SEMA3G: variants seen among roughly 807,000 people sequenced by gnomAD.
SEMA3G encodes the protein semaphorin-3G.
A neutral mutation model predicts 86.2 loss-of-function variants in SEMA3G; 70 were observed. That is an observed-to-expected ratio of 0.81 (90% CI 0.67 to 0.99). SEMA3G has a LOEUF of 0.99. Ranked by LOEUF, SEMA3G falls within the 50% of genes least tolerant of loss-of-function variation. The pLI, the probability that SEMA3G is intolerant of heterozygous loss-of-function variation, is 0.00. For synonymous variants in SEMA3G, 416 were observed against 441.4 expected, an observed-to-expected ratio of 0.94 and a Z score of 0.72; for missense variants, 1,002 against 1,072.4, an observed-to-expected ratio of 0.93 and a Z score of 0.92.
At position 52,440,074 on chromosome 3, in the gene SEMA3G, G is replaced by A. The variant is rs1706118606; in HGVS notation, c.1168C>T (p.Pro390Ser). Residue 390 changes from proline to serine, a missense_variant, in exon 11 of 16, where the codon CCA (proline) becomes TCA (serine). Transcript: ENST00000231721. ...GVCPSKMTAQ[P>S]GRPFGSTKDY... Reference sequence around the variant, plus strand: ...TTGGTGCTGCCAAAAGGCCGTCCTGGCTGTGCGGTCATCTTGCTGGGGCAC... The same window carrying A: ...TTGGTGCTGCCAAAAGGCCGTCCTGACTGTGCGGTCATCTTGCTGGGGCAC... The A allele has an allele frequency of 6.3e-7, 1 of 1,589,058 alleles. No individual in the cohort carries two copies. The highest frequency in any genetic ancestry group is 1.3e-5 in the African/African-American group (1 of 74,230).
At chr3:52,436,186 C>T in intron 15 of SEMA3G, 113 bp from the exon 16 acceptor site, 3 of 1,447,876 alleles carry the variant, frequency 2.1e-6, no homozygotes, top group South Asian at 1.4e-5. Context: ...CACTTCTTGC[C>T]CTATTCTCCC....
At chr3:52,443,630 C>T (rs1163583904) in intron 1 of SEMA3G, among the ~76,000 whole-genome samples, 1 of 152,126 alleles carries the variant, frequency 6.6e-6, no homozygotes, top group Non-Finnish European at 1.5e-5. Flanking sequence ...GTGTCCTATG[C>T]CTTCCCTACG....
rs147355742 is a variant in SEMA3G, at chr3:52,441,304, G to A, written c.773C>T (p.Ser258Leu). The A allele has an allele frequency of 2.4e-5, 39 of 1,613,520 alleles. No homozygotes were observed. In the East Asian group the frequency reaches 2.7e-4, roughly 11 times the overall value. ...CACGCGGCTGACAGTGACATGGTTC[G>A]AGCCACCATCGGGCGAGGGGACCGT... ...SETVPSPDGG[S>L]NHVTVSRVGR... The change falls in exon 7 of 16, where the codon TCG becomes TTG. Residue 258 changes from serine (S) to leucine (L), a missense_variant. Ser to Leu is a moderately radical substitution (Grantham distance 145). Coordinates refer to ENST00000231721, the MANE Select transcript of SEMA3G (RefSeq NM_020163.3).
intron 13 of SEMA3G, 71 bp downstream of exon 13, chr3:52,438,849 A>C (rs1345748268): frequency 6.3e-7 from 1 of 1,595,760 alleles, no homozygotes; most frequent in African/African-American, 1.3e-5. Flanking sequence ...GCTGCGGAGC[A>C]GGGGCAGAGG....
At position 52,441,239 on chromosome 3, in the gene SEMA3G, C is replaced by T. The variant is rs370019081; in HGVS notation, c.813+25G>A. The stretch of plus-strand genomic sequence containing the variant: ...GGGAGGGTGTAGCAGGGACTTGAAC[C>T]TCACCACCCCTTCCCAGCTCTTACC... On this transcript the variant is annotated intron_variant, in intron 7 of 15. Transcript: ENST00000231721. 6.8e-6 allele frequency: 11 copies of T among 1,608,074 alleles called. No individual in the cohort carries two copies. In the African/African-American group the frequency reaches 1.5e-4, roughly 21 times the overall value.
chr3:52,439,726 G>C lies in SEMA3G; in HGVS notation c.1421C>G (p.Ser474Ter), dbSNP rs1706109347. ...LKVIALQAGG[S>*]AEPEEVVLEE... ...CAGAACCACTTCCTCAGGTTCAGCTGAGCCCCCTGCCTGGAGAGCGATGAC... is the reference window on the plus strand; with the variant it reads ...CAGAACCACTTCCTCAGGTTCAGCTCAGCCCCCTGCCTGGAGAGCGATGAC... Residue 474 changes from serine (S) to a stop codon, truncating the protein, a stop_gained, in exon 12 of 16, where the codon TCA becomes TGA. Transcript: ENST00000231721. LOFTEE classifies it high-confidence loss of function. 6.2e-7 allele frequency: 1 copy of C among 1,613,912 alleles called. No homozygotes were observed. Among genetic ancestry groups the C allele is most frequent in the African/African-American group, 1.3e-5 (1 of 74,910 alleles).
intron 1 of SEMA3G, among the ~76,000 whole-genome samples, chr3:52,444,209 C>T (rs371140442): frequency 2.6e-5 from 4 of 152,174 alleles, no homozygotes; most frequent in African/African-American, 9.7e-5. Flanking sequence ...TTCAGCCCCA[C>T]CCTCTCTGTC....
Position 52,437,640 on chromosome 3 carries a change from T to A in SEMA3G, c.1765A>T (p.Thr589Ser). 6.2e-7 allele frequency: 1 copy of A among 1,612,202 alleles called. No homozygotes were observed. The highest frequency in any genetic ancestry group is 1.7e-5 in the Admixed American group (1 of 59,998). The change falls in exon 15 of 16, where the codon ACC becomes TCC. Residue 589 changes from threonine (T) to serine (S), a missense_variant. Thr to Ser is a moderately conservative substitution (Grantham distance 58). Coordinates refer to ENST00000231721, the MANE Select transcript of SEMA3G (RefSeq NM_020163.3). The part of the protein sequence containing the change: ...EEEAVGLVAA[T>S]MVYGTEHNST... ...TTGTGCTCCGTGCCGTAGACCATGG[T>A]GGCTGCCACAAGTCCCACTGCCTCT... is the stretch of plus-strand genomic sequence containing the variant.
rs1388283740 is a variant in SEMA3G at position 52,444,950 on chromosome 3, G to A, written c.78C>T (p.Pro26=). ...LLHGGSSGPS[P]GPSVPRLRLS... ...GCCGCAGGCGGGGCACACTGGGGCCGGGGCTGGGGCCAGAGCTACCCCCAT... is the reference window on the plus strand; with the variant it reads ...GCCGCAGGCGGGGCACACTGGGGCCAGGGCTGGGGCCAGAGCTACCCCCAT... The change falls in exon 1 of 16, where the codon CCC becomes CCT. Residue 26 remains proline, a synonymous_variant. Transcript: ENST00000231721. The A allele has an allele frequency of 1.0e-5, 13 of 1,301,458 alleles. No homozygotes were observed. In the East Asian group the frequency reaches 1.9e-4, roughly 19 times the overall value. The allele number at this position is 1,301,458 out of a possible 1,614,324, so 80.6% of individuals were successfully genotyped here. A position where few individuals can be genotyped will look rare whatever the true frequency, so the allele number is the denominator to read the frequency against.
rs1706028517 is a variant in SEMA3G at position 52,435,535 on chromosome 3, G to A, written c.*68C>T. The A allele has an allele frequency of 2.7e-6, 4 of 1,462,372 alleles. No homozygotes were observed. Among genetic ancestry groups the A allele is most frequent in the Admixed American group, 1.9e-5 (1 of 53,328 alleles). The allele number at this position is 1,462,372 out of a possible 1,614,324, so 90.6% of individuals were successfully genotyped here. A position where few individuals can be genotyped will look rare whatever the true frequency, so the allele number is the denominator to read the frequency against. On this transcript the variant is annotated 3_prime_UTR_variant, in exon 16 of 16. Transcript: ENST00000231721. The stretch of plus-strand genomic sequence containing the variant: ...CTGACCCCTCTGCCCTAGCTGGGTG[G>A]GTGGGAGATGCTGGGGGCTGCTAGT...
At position 52,439,863 on chromosome 3, in the gene SEMA3G, C is replaced by G; in HGVS notation, c.1375+4G>C. ...GCCTGGCCACCCTGGCTCAGCTGTCCTACCAGTCCCCAGGAAAATGACATC... is the reference window on the plus strand; with the variant it reads ...GCCTGGCCACCCTGGCTCAGCTGTCGTACCAGTCCCCAGGAAAATGACATC... On this transcript the variant is annotated splice_donor_region_variant and intron_variant, in intron 11 of 15. Coordinates refer to ENST00000231721, the MANE Select transcript of SEMA3G (RefSeq NM_020163.3). The G allele has an allele frequency of 2.5e-6, 4 of 1,612,606 alleles. No homozygotes were observed. Among genetic ancestry groups the G allele is most frequent in the Non-Finnish European group, 3.4e-6 (4 of 1,179,068 alleles).
At position 52,435,936 on chromosome 3, in the gene SEMA3G, C is replaced by T; in HGVS notation, c.2016G>A (p.Val672=). The stretch of plus-strand genomic sequence containing the variant: ...TGTCCAGCTGTGAGGCCACAATCAC[C>T]ACCAGAGCCAGGCGGACCACAGTCT... The part of the protein sequence containing the change: ...FSQTVVRLAL[V]VIVASQLDNL... The change falls in exon 16 of 16, where the codon GTG becomes GTA. Residue 672 remains valine, a synonymous_variant. Coordinates refer to ENST00000231721, the MANE Select transcript of SEMA3G (RefSeq NM_020163.3). 2 of 1,614,016 alleles carry T rather than the reference C, an allele frequency of 1.2e-6. No homozygotes were observed. Among genetic ancestry groups the T allele is most frequent in the Non-Finnish European group, 1.7e-6 (2 of 1,180,044 alleles).
At position 52,445,015 on chromosome 3, in the gene SEMA3G, C is replaced by A; in HGVS notation, c.13G>T (p.Ala5Ser). MAPSAWAICWLLGGL... is the reference protein window; with the variant it reads MAPSSWAICWLLGGL... ...CCTAGCAGCCAGCAAATGGCCCAGG[C>A]CGAGGGGGCCATGCTGGGGAACTGA... Residue 5 changes from alanine (A) to serine (S), a missense_variant, in exon 1 of 16, where the codon GCC becomes TCC. By Grantham distance (99) the Ala-to-Ser change is moderately conservative. Coordinates refer to ENST00000231721, the MANE Select transcript of SEMA3G (RefSeq NM_020163.3). 7.8e-7 allele frequency: 1 copy of A among 1,282,734 alleles called. No individual in the cohort carries two copies. The highest frequency in any genetic ancestry group is 4.2e-5 in the Admixed American group (1 of 23,918). The allele number at this position is 1,282,734 out of a possible 1,614,324, so 79.5% of individuals were successfully genotyped here.
At chr3:52,441,991 G>A (rs1706168172) in intron 4 of SEMA3G, 82 bp from the exon 5 acceptor site, 5 of 1,341,600 alleles carry the variant, frequency 3.7e-6, no homozygotes, top group African/African-American at 1.4e-5. Context: ...GAGCCCTCGC[G>A]TGCGGCCAGA....
rs775205648 is a variant in SEMA3G, at chr3:52,440,785, G to C, written c.967C>G (p.Leu323Val). Residue 323 changes from leucine (L) to valine (V), a missense_variant, in exon 9 of 16, where the codon CTC (leucine) becomes GTC (valine). Leu to Val is a conservative substitution (Grantham distance 32). Transcript: ENST00000231721. Reference sequence around the variant, plus strand: ...GTGCTGAACAGCGCGTACACCTCGAGGCTCTTCCCGGCCTTGGGCCACAGC... The same window carrying C: ...GTGCTGAACAGCGCGTACACCTCGACGCTCTTCCCGGCCTTGGGCCACAGC... ...FLLWPKAGKS[L>V]EVYALFSTVS... The C allele has an allele frequency of 1.9e-6, 3 of 1,612,960 alleles. No homozygotes were observed. The African/African-American group carries it at 4.0e-5, about 22-fold the overall frequency.
At chr3:52,441,530 A>G (rs774211149) in intron 6 of SEMA3G, 44 bp downstream of exon 6, 59 of 1,589,926 alleles carry the variant, frequency 3.7e-5, no homozygotes, top group Admixed American at 6.7e-5. Flanking sequence ...CCTAGCTGGG[A>G]AGGTAGCCTC....
chr3:52,439,516 G>A (rs930365227), intron 12 of SEMA3G, among the ~76,000 whole-genome samples, 164 bp downstream of exon 12: 1 of 152,114 alleles, frequency 6.6e-6, no homozygotes. Flanking sequence ...GGTGCGGGGT[G>A]GAGGGGGGGC....
intron 12 of SEMA3G, 37 bp from the exon 13 acceptor site, chr3:52,438,998 G>A: frequency 6.2e-7 from 1 of 1,605,290 alleles, no homozygotes; most frequent in Non-Finnish European, 8.5e-7. Flanking sequence ...GGGTCGGGTG[G>A]ACCAAGACCT....
rs755383556 is a variant in SEMA3G at position 52,441,925 on chromosome 3, G to C, written c.460-16C>G. ...GGAGCACATGCTAGTGGGAGGGAGA[G>C]AGGGAGGGAGGGGCGTCACCTGGGA... On this transcript the variant is annotated splice_polypyrimidine_tract_variant and intron_variant, in intron 4 of 15. Transcript: ENST00000231721. 1.0e-5 allele frequency: 16 copies of C among 1,533,572 alleles called. No individual in the cohort carries two copies. In the South Asian group the frequency reaches 1.5e-4, roughly 15 times the overall value. The allele number at this position is 1,533,572 out of a possible 1,614,324, so 95.0% of individuals were successfully genotyped here.
Sources: gnomAD v4.1 joint callset for allele counts (sites outside exome capture counted in the v4.1 genomes callset) on GRCh38, gnomAD v4.1.1 for gene constraint, MANE v1.5 for transcripts, NCBI Gene and HGNC (gene_info 2026-07-23, HGNC 2026-07-21) for gene names.